The following THEM4 variants were observed in gnomAD, a reference collection of about 807,000 sequenced individuals.
THEM4 encodes the protein acyl-coenzyme A thioesterase THEM4.
Under a neutral mutation model 25.0 loss-of-function variants are expected in THEM4, and 22 were observed. The ratio of observed to expected loss-of-function variants is 0.88; its 90% CI spans 0.63 to 1.26. The LOEUF is 1.26. THEM4 is among the 50% of genes most tolerant of loss of function. The pLI is 0.00. For synonymous variants in THEM4, 113 were observed against 105.6 expected, an observed-to-expected ratio of 1.07 and a Z score of -0.43; for missense variants, 286 against 300.3, an observed-to-expected ratio of 0.95 and a Z score of 0.35.
chr1:151,904,518 G>T (rs145654383), intron 1 of THEM4, among the ~76,000 whole-genome samples: 1 of 152,270 alleles, frequency 6.6e-6, no homozygotes, highest in East Asian at 1.9e-4. Flanking sequence ...CCTTTATGAG[G>T]AGACTTAAGG....
At chr1:151,895,708 A>G (rs1572080434) in intron 1 of THEM4, among the ~76,000 whole-genome samples, 1 of 151,058 alleles carries the variant, frequency 6.6e-6, no homozygotes, top group Non-Finnish European at 1.5e-5. Flanking sequence ...ACTGGAATAT[A>G]GTTTGGATGT....
intron 3 of THEM4, among the ~76,000 whole-genome samples, 182 bp downstream of exon 3, chr1:151,889,032 A>T (rs1026810750): frequency 2.6e-5 from 4 of 152,124 alleles, no homozygotes; most frequent in Non-Finnish European, 5.9e-5. Context: ...AAAATATTTA[A>T]TCAATATTAA....
intron 5 of THEM4, among the ~76,000 whole-genome samples, chr1:151,875,974 C>T (rs560314452): frequency 3.9e-5 from 6 of 152,184 alleles, no homozygotes; most frequent in African/African-American, 1.4e-4. Flanking sequence ...ATGTTTATAG[C>T]AGCCCCATTT....
chr1:151,899,119 G>T (rs570844406), intron 1 of THEM4, among the ~76,000 whole-genome samples: 1 of 152,326 alleles, frequency 6.6e-6, no homozygotes, highest in Admixed American at 6.5e-5. Context: ...AAGAATTCAG[G>T]AGGTTAGCTA....
chr1:151,906,158 G>C (rs1047657522), intron 1 of THEM4, among the ~76,000 whole-genome samples: 2 of 152,258 alleles, frequency 1.3e-5, no homozygotes, highest in Non-Finnish European at 2.9e-5. Context: ...GCAGGAACCA[G>C]GGCTGCGCGG....
intron 1 of THEM4, 113 bp downstream of exon 1, chr1:151,909,247 C>T: frequency 1.1e-6 from 1 of 873,810 alleles, no homozygotes; most frequent in Non-Finnish European, 1.7e-6. Context: ...CCCAGGTGAG[C>T]TTTTATTCTG....
intron 4 of THEM4, among the ~76,000 whole-genome samples, chr1:151,878,400 G>A (rs1421626464): frequency 6.6e-6 from 1 of 152,210 alleles, no homozygotes; most frequent in Non-Finnish European, 1.5e-5. Flanking sequence ...TGAGGCGCTA[G>A]GCTTACAAGA....
At chr1:151,883,006 A>C (rs1485795385) in intron 4 of THEM4, among the ~76,000 whole-genome samples, 1 of 152,048 alleles carries the variant, frequency 6.6e-6, no homozygotes, top group Non-Finnish European at 1.5e-5. Context: ...GCAAAGGTGA[A>C]GGGAAAGGGG....
chr1:151,883,721 C>A (rs1335016782), intron 4 of THEM4, among the ~76,000 whole-genome samples: 1 of 151,512 alleles, frequency 6.6e-6, no homozygotes, highest in African/African-American at 2.4e-5. Context: ...TGCAACCTCC[C>A]AGGTTCAAGC....
At chr1:151,899,806 C>A (rs1384713656) in intron 1 of THEM4, among the ~76,000 whole-genome samples, 1 of 152,144 alleles carries the variant, frequency 6.6e-6, no homozygotes, top group African/African-American at 2.4e-5. Flanking sequence ...GCACAAAGAG[C>A]ACCTGGGAAA....
chr1:151,894,907 T>G, intron 2 of THEM4, 101 bp downstream of exon 2: 3 of 1,288,280 alleles, frequency 2.3e-6, no homozygotes, highest in East Asian at 2.3e-5. Flanking sequence ...TAATCCTGCA[T>G]TATATTCTTT....
chr1:151,894,340 G>T (rs1654170122), intron 2 of THEM4, among the ~76,000 whole-genome samples: 1 of 152,136 alleles, frequency 6.6e-6, no homozygotes, highest in African/African-American at 2.4e-5. Context: ...TACGAAGAGT[G>T]AACCCTAAAA....
In THEM4 at chr1:151,888,263, G is replaced by C. The variant is rs759520603; in HGVS notation, c.557+10C>G. 3.7e-6 allele frequency: 6 copies of C among 1,602,548 alleles called. No homozygotes were observed. Among genetic ancestry groups the C allele is most frequent in the Non-Finnish European group, 5.1e-6 (6 of 1,171,890 alleles). On this transcript the variant is annotated intron_variant, in intron 4 of 5. Coordinates refer to ENST00000368814, the MANE Select transcript of THEM4 (RefSeq NM_053055.5). ...ACCTAAGGATAAATAGAGAATTACT[G>C]TGAATTTACCTTTTATAATTGATGT...
intron 1 of THEM4, among the ~76,000 whole-genome samples, chr1:151,895,765 A>T (rs2101727083): frequency 6.6e-6 from 1 of 151,338 alleles, no homozygotes; most frequent in East Asian, 1.9e-4. Flanking sequence ...CCAAAGTTGG[A>T]GGTGGGCCCT....
rs1305820967 is a variant in THEM4, at chr1:151,873,653, A to C, written c.*1235T>G. On this transcript the variant is annotated 3_prime_UTR_variant, in exon 6 of 6. Coordinates refer to ENST00000368814, the MANE Select transcript of THEM4 (RefSeq NM_053055.5). ...GAGGTAATCAAGTTAAAATGAGGTC[A>C]TTCAGGTGGGTCCATTATGACTGGT... The C allele has an allele frequency of 6.6e-6, 1 of 152,242 alleles. No homozygotes were observed. The allele number at this position is 152,242 out of a possible 1,614,324, so 9.4% of individuals were successfully genotyped here.
At chr1:151,888,929 G>A (rs1654028777) in intron 3 of THEM4, among the ~76,000 whole-genome samples, 2 of 151,958 alleles carry the variant, frequency 1.3e-5, no homozygotes, top group Non-Finnish European at 2.9e-5. Flanking sequence ...TACCCACCTA[G>A]TCAGTGACAA....
intron 1 of THEM4, among the ~76,000 whole-genome samples, chr1:151,895,928 T>C (rs1654212590): frequency 6.6e-6 from 1 of 151,938 alleles, no homozygotes; most frequent in Admixed American, 6.6e-5. Flanking sequence ...TCTTGCTGTG[T>C]CCATGTGAAG....
At chr1:151,896,577 G>T (rs1454628373) in intron 1 of THEM4, among the ~76,000 whole-genome samples, 1 of 152,116 alleles carries the variant, frequency 6.6e-6, no homozygotes, top group Non-Finnish European at 1.5e-5. Context: ...GCATTATTAG[G>T]GTGCAAGAAT....
chr1:151,879,184 C>G (rs1262699932), intron 4 of THEM4, among the ~76,000 whole-genome samples: 1 of 151,684 alleles, frequency 6.6e-6, no homozygotes. Context: ...GATTAGAAAG[C>G]CTGAATAGTT....
Sources: gnomAD v4.1 joint callset for allele counts (sites outside exome capture counted in the v4.1 genomes callset) on GRCh38, gnomAD v4.1.1 for gene constraint, MANE v1.5 for transcripts, NCBI Gene and HGNC (gene_info 2026-07-23, HGNC 2026-07-21) for gene names.